Variants in HHIP observed in about 807,000 individuals in gnomAD.
The protein encoded by HHIP is hedgehog interacting protein, also known as hedgehog-interacting protein.
A neutral mutation model predicts 74.0 loss-of-function variants in HHIP; 12 were observed. That is an observed-to-expected ratio of 0.16 (90% CI 0.10 to 0.26). HHIP has a LOEUF of 0.26. Ranked by LOEUF, HHIP falls within the 10% of genes least tolerant of loss-of-function variation. HHIP has a pLI of 1.00. For synonymous variants in HHIP, 309 were observed against 311.6 expected (o/e 0.99, Z 0.09); for missense variants, 788 against 845.0 (o/e 0.93, Z 0.84).
At chr4:144,734,952 A>C (rs1013721309) in intron 12 of HHIP, 63 bp downstream of exon 12, 147 of 1,447,492 alleles carry the variant, frequency 1.0e-4, no homozygotes, top group Non-Finnish European at 1.3e-4. Context: ...GTACTCAAGA[A>C]CTCAACATTG....
At chr4:144,649,980 C>A (rs1263660940) in intron 1 of HHIP, among the ~76,000 whole-genome samples, 1 of 152,102 alleles carries the variant, frequency 6.6e-6, no homozygotes, top group African/African-American at 2.4e-5. Context: ...GCTGAACAAC[C>A]TTGTAGGCAT....
At chr4:144,662,720 T>C (rs1728749161) in intron 4 of HHIP, among the ~76,000 whole-genome samples, 1 of 152,238 alleles carries the variant, frequency 6.6e-6, no homozygotes, top group African/African-American at 2.4e-5. Context: ...CATGTGCACA[T>C]GCAGCGTTGT....
At chr4:144,664,494 T>C (rs1728804290) in intron 4 of HHIP, among the ~76,000 whole-genome samples, 1 of 152,280 alleles carries the variant, frequency 6.6e-6, no homozygotes, top group Non-Finnish European at 1.5e-5. Context: ...TTTACATTTT[T>C]TTCTTTGACT....
chr4:144,687,047 T>C (rs1304165009), intron 4 of HHIP, among the ~76,000 whole-genome samples: 1 of 152,224 alleles, frequency 6.6e-6, no homozygotes, highest in Non-Finnish European at 1.5e-5. Flanking sequence ...GTGTGATTTA[T>C]TTTTTGGTCA....
intron 11 of HHIP, among the ~76,000 whole-genome samples, chr4:144,722,612 G>C (rs542933328): frequency 6.6e-6 from 1 of 152,208 alleles, no homozygotes; most frequent in Non-Finnish European, 1.5e-5. Context: ...CAGCACTTTG[G>C]GAGGCCGAGA....
At position 144,738,074 on chromosome 4, in the gene HHIP, T is replaced by G; in HGVS notation, c.*117T>G. 1 of 1,373,544 alleles carries G rather than the reference T, an allele frequency of 7.3e-7. No homozygotes were observed. Among genetic ancestry groups the G allele is most frequent in the Non-Finnish European group, 9.4e-7 (1 of 1,065,162 alleles). The allele number at this position is 1,373,544 out of a possible 1,614,324, so 85.1% of individuals were successfully genotyped here. A position where few individuals can be genotyped will look rare whatever the true frequency, so the allele number is the denominator to read the frequency against. ...CTGTGATTTCATTCTCTTTTATTAA[T>G]TTAAAAATAATTTCCAGAAATGTGC... On this transcript the variant is annotated 3_prime_UTR_variant, in exon 13 of 13. Transcript: ENST00000296575.
At chr4:144,699,143 C>A (rs903286429) in intron 4 of HHIP, among the ~76,000 whole-genome samples, 1 of 152,208 alleles carries the variant, frequency 6.6e-6, no homozygotes, top group South Asian at 2.1e-4. Flanking sequence ...ACTGCTCCTA[C>A]TTCAAATACC....
intron 4 of HHIP, among the ~76,000 whole-genome samples, chr4:144,697,653 T>C (rs945486104): frequency 7.2e-5 from 11 of 151,992 alleles, no homozygotes; most frequent in Non-Finnish European, 1.3e-4. Flanking sequence ...GGGGAGGAAA[T>C]AGTAATATGA....
rs185203472 is a variant in HHIP at position 144,718,347 on chromosome 4, A to G, written c.1679-528A>G. ...ACTTGAGACAGAAGCCTGAGCTGGG[A>G]ACTTGCCTCTCCTGTGTGAAATCAC... On this transcript the variant is annotated intron_variant, in intron 10 of 12. Coordinates refer to ENST00000296575, the MANE Select transcript of HHIP (RefSeq NM_022475.3). 1.2e-3 allele frequency among the ~76,000 whole-genome samples: 179 copies of G among 152,300 alleles called. 1 individual carries two copies. Among genetic ancestry groups the G allele is most frequent in the African/African-American group, 4.2e-3 (175 of 41,568 alleles).
At chr4:144,700,673 C>T (rs576706888) in intron 4 of HHIP, among the ~76,000 whole-genome samples, 7 of 152,248 alleles carry the variant, frequency 4.6e-5, no homozygotes, top group South Asian at 2.1e-4. Flanking sequence ...CTGAGAAATG[C>T]AGATGGCTTC....
chr4:144,716,162 A>G (rs1426085520), intron 10 of HHIP, among the ~76,000 whole-genome samples: 4 of 152,226 alleles, frequency 2.6e-5, no homozygotes, highest in Non-Finnish European at 5.9e-5. Context: ...CTTAACTATT[A>G]TGCTCCTTTA....
At chr4:144,652,562 T>C (rs1485691672) in intron 1 of HHIP, 43 bp from the exon 2 acceptor site, 8 of 1,220,494 alleles carry the variant, frequency 6.6e-6, no homozygotes, top group African/African-American at 4.6e-5. Flanking sequence ...TAAACCTAAA[T>C]TTACCTACTA....
chr4:144,653,967 T>A (rs1446915839), intron 2 of HHIP, among the ~76,000 whole-genome samples: 3 of 152,098 alleles, frequency 2.0e-5, no homozygotes, highest in African/African-American at 7.2e-5. Flanking sequence ...GTAGAATAGG[T>A]CACGGTTGCC....
intron 11 of HHIP, among the ~76,000 whole-genome samples, chr4:144,720,981 T>A (rs1486614580): frequency 6.6e-6 from 1 of 152,168 alleles, no homozygotes; most frequent in Non-Finnish European, 1.5e-5. Context: ...GAATTGTTTT[T>A]CTAAAATTTT....
chr4:144,732,388 C>T (rs541361847), intron 11 of HHIP, among the ~76,000 whole-genome samples: 2 of 152,090 alleles, frequency 1.3e-5, no homozygotes, highest in African/African-American at 4.8e-5. Flanking sequence ...TTACTACATC[C>T]GTGGGTAAAC....
intron 10 of HHIP, among the ~76,000 whole-genome samples, chr4:144,717,051 C>A (rs1335661536): frequency 6.6e-6 from 1 of 151,904 alleles, no homozygotes; most frequent in East Asian, 1.9e-4. Context: ...ACACCTAATA[C>A]TATTTAGAAG....
chr4:144,736,587 G>A (rs1312351584), intron 12 of HHIP, among the ~76,000 whole-genome samples: 4 of 151,966 alleles, frequency 2.6e-5, no homozygotes, highest in African/African-American at 9.7e-5. Context: ...AATACAGATG[G>A]CACTATATAT....
rs1728384509 is a variant in HHIP at position 144,650,390 on chromosome 4, G to C, written c.280-2215G>C. On this transcript the variant is annotated intron_variant, in intron 1 of 12. Coordinates refer to ENST00000296575, the MANE Select transcript of HHIP (RefSeq NM_022475.3). ...TATATTTAGTTTAAACCACTGTGAT[G>C]GTTTTGTATACGGCTTTTAAAAATT... Among the ~76,000 whole-genome samples, 3 of 152,034 alleles carry C rather than the reference G, an allele frequency of 2.0e-5. No individual in the cohort carries two copies. In the South Asian group the frequency reaches 6.2e-4, roughly 32 times the overall value.
intron 11 of HHIP, among the ~76,000 whole-genome samples, chr4:144,721,087 G>C (rs992545445): frequency 1.6e-4 from 24 of 151,982 alleles, no homozygotes; most frequent in Non-Finnish European, 2.9e-5. Flanking sequence ...TAAACTTTTA[G>C]GTTAATTGTA....
Sources: gnomAD v4.1 joint callset for allele counts (sites outside exome capture counted in the v4.1 genomes callset) on GRCh38, gnomAD v4.1.1 for gene constraint, MANE v1.5 for transcripts, NCBI Gene and HGNC (gene_info 2026-07-23, HGNC 2026-07-21) for gene names.